CAMK1D: variants seen among roughly 807,000 people sequenced by gnomAD.
CAMK1D encodes the protein calcium/calmodulin dependent protein kinase ID, also known as calcium/calmodulin-dependent protein kinase type 1D.
CAMK1D carries 9 observed loss-of-function variants against 47.7 expected under a neutral mutation model. The observed-to-expected ratio is 0.19, with a 90% confidence interval of 0.11 to 0.33. CAMK1D has a LOEUF of 0.33. CAMK1D is among the 10% of genes least tolerant of loss of function. CAMK1D has a pLI of 1.00. For synonymous variants in CAMK1D, 184 were observed against 184.9 expected (o/e 0.99, Z 0.04); for missense variants, 291 against 488.7 (o/e 0.60, Z 3.81).
intron 2 of CAMK1D, among the ~76,000 whole-genome samples, chr10:12,660,261 TC>T (rs1364275300): frequency 2.0e-5 from 3 of 152,204 alleles, no homozygotes; most frequent in African/African-American, 7.2e-5. Context: ...CTTTGCTTTT[TC>T]TTTCTTTTTC....
At chr10:12,416,158 T>A (rs941013069) in intron 1 of CAMK1D, among the ~76,000 whole-genome samples, 17 of 152,186 alleles carry the variant, frequency 1.1e-4, no homozygotes, top group Admixed American at 1.1e-3. Flanking sequence ...TATTCTTGTT[T>A]TTTTTTTAGC....
At chr10:12,532,943 G>T (rs1835856306) in intron 1 of CAMK1D, among the ~76,000 whole-genome samples, 1 of 114,720 alleles carries the variant, frequency 8.7e-6, no homozygotes, top group Admixed American at 1.2e-4. Context: ...TCTAGAGACT[G>T]CGAAAGGTTG....
At chr10:12,662,245 T>C (rs1840294107) in intron 2 of CAMK1D, among the ~76,000 whole-genome samples, 1 of 152,188 alleles carries the variant, frequency 6.6e-6, no homozygotes, top group African/African-American at 2.4e-5. Flanking sequence ...GATGAGTCAA[T>C]CAACATTCAG....
intron 3 of CAMK1D, among the ~76,000 whole-genome samples, chr10:12,704,514 AAAG>A (rs1277379678): frequency 4.6e-5 from 7 of 152,220 alleles, no homozygotes; most frequent in Admixed American, 4.6e-4. Context: ...TAACATTCAA[AAAG>A]AAGAGGTTGT....
intron 1 of CAMK1D, among the ~76,000 whole-genome samples, chr10:12,409,509 C>T (rs950035031): frequency 1.3e-5 from 2 of 152,180 alleles, no homozygotes; most frequent in African/African-American, 4.8e-5. Flanking sequence ...CTCTTGAACT[C>T]CTGGGCTCAA....
chr10:12,686,593 G>A (rs1832674938), intron 3 of CAMK1D, among the ~76,000 whole-genome samples: 1 of 151,962 alleles, frequency 6.6e-6, no homozygotes, highest in African/African-American at 2.4e-5. Flanking sequence ...CAAAGTGCTG[G>A]GATTACAGGC....
chr10:12,517,894 T>C (rs1204853427), intron 1 of CAMK1D, among the ~76,000 whole-genome samples: 1 of 152,228 alleles, frequency 6.6e-6, no homozygotes, highest in African/African-American at 2.4e-5. Flanking sequence ...AAGGAATCCT[T>C]GACTTACAAA....
At chr10:12,433,067 C>T (rs1447798419) in intron 1 of CAMK1D, among the ~76,000 whole-genome samples, 1 of 152,136 alleles carries the variant, frequency 6.6e-6, no homozygotes, top group African/African-American at 2.4e-5. Flanking sequence ...GCAGGTGGGG[C>T]GTGAATTACA....
At chr10:12,539,843 C>G (rs144503147) in intron 1 of CAMK1D, among the ~76,000 whole-genome samples, 22 of 152,338 alleles carry the variant, frequency 1.4e-4, no homozygotes, top group Non-Finnish European at 2.9e-4. Context: ...CCCACATGGA[C>G]ACTTTATTTG....
intron 2 of CAMK1D, among the ~76,000 whole-genome samples, chr10:12,588,658 C>T (rs748731488): frequency 6.6e-6 from 1 of 152,016 alleles, no homozygotes; most frequent in African/African-American, 2.4e-5. Context: ...GAGTAGAGGG[C>T]GGAAGACTCT....
chr10:12,497,285 T>C (rs1014685596), intron 1 of CAMK1D, among the ~76,000 whole-genome samples: 4 of 152,058 alleles, frequency 2.6e-5, no homozygotes, highest in African/African-American at 9.7e-5. Flanking sequence ...GAGACCTTCC[T>C]GGCCACCATG....
chr10:12,456,257 A>C (rs1241677994), intron 1 of CAMK1D, among the ~76,000 whole-genome samples: 2 of 152,196 alleles, frequency 1.3e-5, no homozygotes, highest in Admixed American at 1.3e-4. Context: ...TGATGAGAAA[A>C]ATATTTGCTG....
At chr10:12,417,190 A>G (rs566642010) in intron 1 of CAMK1D, among the ~76,000 whole-genome samples, 1 of 152,170 alleles carries the variant, frequency 6.6e-6, no homozygotes, top group Non-Finnish European at 1.5e-5. Context: ...TATTATTTTT[A>G]TTACCTAGAC....
chr10:12,623,514 C>T (rs899112302), intron 2 of CAMK1D, among the ~76,000 whole-genome samples: 21 of 71,256 alleles, frequency 2.9e-4, no homozygotes, highest in South Asian at 5.0e-4. Context: ...CTTCCTCCCT[C>T]CCTCTCTTCC....
chr10:12,525,041 AT>A (rs908011293), intron 1 of CAMK1D, among the ~76,000 whole-genome samples: 2 of 151,944 alleles, frequency 1.3e-5, no homozygotes, highest in Non-Finnish European at 2.9e-5. Flanking sequence ...ATCTTTAAGG[AT>A]TTTTTTCCAT....
chr10:12,658,304 G>T (rs1454514611), intron 2 of CAMK1D, among the ~76,000 whole-genome samples: 2 of 152,160 alleles, frequency 1.3e-5, no homozygotes, highest in Non-Finnish European at 2.9e-5. Flanking sequence ...CACACTCAGA[G>T]ACGAAGGTGT....
intron 2 of CAMK1D, among the ~76,000 whole-genome samples, chr10:12,658,277 G>A (rs1840174220): frequency 1.3e-5 from 2 of 152,192 alleles, no homozygotes; most frequent in Non-Finnish European, 2.9e-5. Flanking sequence ...TTCGTAAGAA[G>A]ACAGGAGAGT....
At chr10:12,427,698 C>CTGTTTTTTTT (rs1588474207) in intron 1 of CAMK1D, among the ~76,000 whole-genome samples, 5 of 27,366 alleles carry the variant, frequency 1.8e-4, no homozygotes, top group South Asian at 1.1e-3. Flanking sequence ...ACTGAACTTA[C>CTGTTTTTTTT]TGTTTTTTTT....
intron 1 of CAMK1D, among the ~76,000 whole-genome samples, chr10:12,484,295 T>A (rs1193528470): frequency 6.6e-6 from 1 of 152,176 alleles, no homozygotes; most frequent in Middle Eastern, 3.2e-3. Flanking sequence ...CAAGTCGCCA[T>A]CTCTCTTCGT....
Sources: allele counts gnomAD v4.1 joint callset (sites outside exome capture counted in the v4.1 genomes callset), GRCh38; gene constraint gnomAD v4.1.1; transcripts MANE v1.5; gene names NCBI Gene and HGNC (gene_info 2026-07-23, HGNC 2026-07-21).